FRYL: variants seen among roughly 807,000 people sequenced by gnomAD.
FRYL encodes the protein protein furry homolog-like.
In FRYL, 150 loss-of-function variants were observed where a neutral mutation model predicts 351.2. The ratio of observed to expected loss-of-function variants is 0.43; its 90% CI spans 0.37 to 0.49. The LOEUF (loss-of-function observed/expected upper bound fraction) is 0.49, where lower values mean the gene tolerates loss of function less well. Ranked by LOEUF, FRYL falls within the 20% of genes least tolerant of loss-of-function variation. The pLI is 0.00. For synonymous variants in FRYL, 1,153 were observed against 1,257.1 expected, an observed-to-expected ratio of 0.92 and a Z score of 1.75; for missense variants, 3,036 against 3,619.3, an observed-to-expected ratio of 0.84 and a Z score of 4.13.
At chr4:48,687,962 T>C (rs1327327595) in intron 2 of FRYL, among the ~76,000 whole-genome samples, 3 of 152,130 alleles carry the variant, frequency 2.0e-5, no homozygotes, top group Non-Finnish European at 2.9e-5. Context: ...CAACAGTTGT[T>C]AGGAATGTTA....
chr4:48,721,035 T>C (rs1342405271), intron 1 of FRYL, among the ~76,000 whole-genome samples: 1 of 152,208 alleles, frequency 6.6e-6, no homozygotes, highest in African/African-American at 2.4e-5. Flanking sequence ...AGGAGGTAGA[T>C]GATTATCATT....
intron 12 of FRYL, among the ~76,000 whole-genome samples, chr4:48,602,959 T>C (rs1746002009): frequency 6.6e-6 from 1 of 152,230 alleles, no homozygotes; most frequent in Non-Finnish European, 1.5e-5. Context: ...TAGGCTATAC[T>C]ATTTAGGTTT....
chr4:48,498,635 A>G lies in FRYL; in HGVS notation c.*787T>C, dbSNP rs1190927843. 1.3e-5 allele frequency: 2 copies of G among 152,680 alleles called. 1 individual carries two copies. The allele number at this position is 152,680 out of a possible 1,614,324, so 9.5% of individuals were successfully genotyped here. A position where few individuals can be genotyped will look rare whatever the true frequency, so the allele number is the denominator to read the frequency against. ...CAGATATATTATTTCTTTTTGAAAT[A>G]CTGGGAAAGCCCAGTTTTAAAATAT... is the stretch of plus-strand genomic sequence containing the variant. On this transcript the variant is annotated 3_prime_UTR_variant, in exon 64 of 64. Transcript: ENST00000358350.
At position 48,557,064 on chromosome 4, in the gene FRYL, C is replaced by T; in HGVS notation, c.4180G>A (p.Asp1394Asn). The change falls in exon 35 of 64, where the codon GAT becomes AAT. Residue 1394 changes from aspartate (D) to asparagine (N), a missense_variant. Physicochemically the swap from Asp to Asn is conservative, Grantham distance 23 (BLOSUM62 1). Around this residue, in one of 7 missense-constraint regions of FRYL, gnomAD observed 1,987 missense variants for 2,311.7 expected, o/e 0.86. Coordinates refer to ENST00000358350, the MANE Select transcript of FRYL (RefSeq NM_015030.2). The part of the protein sequence containing the change: ...EVENVWTTLA[D>N]GWPKNLKIIL... ...ATTTTCAGGTTTTTGGGCCAGCCAT[C>T]TGCAAGTGTGGTCCACACATTCTCC... is the stretch of plus-strand genomic sequence containing the variant. The T allele has an allele frequency of 1.9e-6, 3 of 1,608,358 alleles. No homozygotes were observed. Among genetic ancestry groups the T allele is most frequent in the Non-Finnish European group, 2.5e-6 (3 of 1,177,412 alleles).
intron 27 of FRYL, among the ~76,000 whole-genome samples, chr4:48,568,910 T>G (rs1253781215): frequency 6.6e-6 from 1 of 152,168 alleles, no homozygotes; most frequent in Admixed American, 6.5e-5. Context: ...TGAAATCCAC[T>G]AGGTGAACAA....
intron 3 of FRYL, among the ~76,000 whole-genome samples, chr4:48,636,055 C>T (rs1754167824): frequency 2.6e-5 from 4 of 152,048 alleles, no homozygotes; most frequent in Admixed American, 1.3e-4. Flanking sequence ...CTAAAATAAA[C>T]ATCTTTGTGT....
intron 3 of FRYL, chr4:48,637,238 CAAAT>C (rs1271158093): frequency 1.3e-5 from 2 of 152,036 alleles, no homozygotes; most frequent in South Asian, 2.1e-4. Context: ...ATTCTAAACA[CAAAT>C]AAAAATCAGG....
At chr4:48,662,494 A>C (rs1230406545) in intron 3 of FRYL, among the ~76,000 whole-genome samples, 1 of 152,050 alleles carries the variant, frequency 6.6e-6, no homozygotes, top group Non-Finnish European at 1.5e-5. Flanking sequence ...AATAATGATC[A>C]AAAAATTTCT....
chr4:48,602,354 T>C (rs1328739757), intron 12 of FRYL, among the ~76,000 whole-genome samples: 3 of 152,152 alleles, frequency 2.0e-5, no homozygotes, highest in Non-Finnish European at 4.4e-5. Flanking sequence ...TAGAATATGC[T>C]ATTAGTTCTC....
At chr4:48,667,169 C>T (rs545817366) in intron 3 of FRYL, among the ~76,000 whole-genome samples, 16 of 152,080 alleles carry the variant, frequency 1.1e-4, no homozygotes, top group African/African-American at 3.1e-4. Flanking sequence ...ATGTATTCTA[C>T]CCCCATATGT....
intron 1 of FRYL, among the ~76,000 whole-genome samples, chr4:48,750,437 G>A (rs559532342): frequency 6.6e-6 from 1 of 151,794 alleles, no homozygotes; most frequent in Non-Finnish European, 1.5e-5. Flanking sequence ...CTCCAGCCTG[G>A]GTGACAAAGT....
rs1265875648 is a variant in FRYL, at chr4:48,754,657, G to T, written c.-384+25421C>A. Among the ~76,000 whole-genome samples the T allele has an allele frequency of 7.5e-5, 8 of 106,400 alleles. No homozygotes were observed. In the Admixed American group the frequency reaches 1.0e-3, roughly 14 times the overall value. 69.8% of individuals were successfully genotyped at this position (106,400 alleles called of 152,430 possible). A position where few individuals can be genotyped will look rare whatever the true frequency, so the allele number is the denominator to read the frequency against. ...TCATTCACACTTGTGATTTTCTGGG[G>T]TTTTTTTGGGGTTTTTTTTTTTTTT... On this transcript the variant is annotated intron_variant, in intron 1 of 63. Coordinates refer to ENST00000358350, the MANE Select transcript of FRYL (RefSeq NM_015030.2).
At chr4:48,614,980 A>T (rs573355905) in intron 7 of FRYL, among the ~76,000 whole-genome samples, 5 of 151,602 alleles carry the variant, frequency 3.3e-5, no homozygotes, top group African/African-American at 1.2e-4. Flanking sequence ...GCGCCCGCCA[A>T]CACGCCCGGC....
chr4:48,634,575 T>C, intron 3 of FRYL, 85 bp from the exon 4 acceptor site: 4 of 1,043,346 alleles, frequency 3.8e-6, no homozygotes, highest in Non-Finnish European at 5.6e-6. Context: ...ATTTGTAAGC[T>C]GCCTCTAACC....
intron 42 of FRYL, among the ~76,000 whole-genome samples, chr4:48,545,218 T>C (rs1418680524): frequency 1.3e-5 from 2 of 152,210 alleles, no homozygotes; most frequent in African/African-American, 4.8e-5. Flanking sequence ...TGTATTTAGA[T>C]TGTAATGCAA....
chr4:48,622,514 A>T (rs1750868377), intron 5 of FRYL, among the ~76,000 whole-genome samples: 1 of 152,164 alleles, frequency 6.6e-6, no homozygotes, highest in Non-Finnish European at 1.5e-5. Context: ...CCACTAAGTA[A>T]TTCTAACCAC....
chr4:48,748,731 C>A (rs1772939639), intron 1 of FRYL, among the ~76,000 whole-genome samples: 1 of 152,206 alleles, frequency 6.6e-6, no homozygotes, highest in South Asian at 2.1e-4. Flanking sequence ...CAAAATCCTG[C>A]CCTCATGAAG....
intron 3 of FRYL, among the ~76,000 whole-genome samples, chr4:48,658,192 A>T (rs1445193516): frequency 6.6e-6 from 1 of 152,174 alleles, no homozygotes; most frequent in Non-Finnish European, 1.5e-5. Context: ...TGGTCTGGCT[A>T]AACAAAATTC....
At chr4:48,586,522 T>C in intron 19 of FRYL, 99 bp downstream of exon 19, 1 of 765,004 alleles carries the variant, frequency 1.3e-6, no homozygotes, top group Non-Finnish European at 2.2e-6. Flanking sequence ...GAAATGTCTT[T>C]AACATCGCCT....
Sources: gnomAD v4.1 joint callset for allele counts (sites outside exome capture counted in the v4.1 genomes callset) on GRCh38, gnomAD v4.1.1 for gene constraint, gnomAD v4.1.1 regional missense constraint, MANE v1.5 for transcripts, NCBI Gene and HGNC (gene_info 2026-07-23, HGNC 2026-07-21) for gene names.